Variants in RALGAPA1 observed in about 807,000 individuals in gnomAD.
RALGAPA1 encodes the protein Ral GTPase activating protein catalytic subunit alpha 1.
A neutral mutation model predicts 269.6 loss-of-function variants in RALGAPA1; 52 were observed. The ratio of observed to expected loss-of-function variants is 0.19; its 90% CI spans 0.15 to 0.24. The LOEUF (loss-of-function observed/expected upper bound fraction) is 0.24, where lower values mean the gene tolerates loss of function less well. RALGAPA1 is among the 10% of genes least tolerant of loss of function. The probability of loss-of-function intolerance (pLI) is 1.00; values close to 1 mark genes in which losing one functional copy is unlikely to be tolerated. For synonymous variants in RALGAPA1, 817 were observed against 1,008.3 expected, an observed-to-expected ratio of 0.81 and a Z score of 3.60; for missense variants, 1,917 against 3,013.9, an observed-to-expected ratio of 0.64 and a Z score of 8.52.
chr14:35,670,247 T>C (rs906099289), intron 26 of RALGAPA1, among the ~76,000 whole-genome samples: 1 of 152,212 alleles, frequency 6.6e-6, no homozygotes, highest in African/African-American at 2.4e-5. Context: ...TATTCACTAT[T>C]GATCTTTCAC....
intron 16 of RALGAPA1, among the ~76,000 whole-genome samples, chr14:35,718,211 G>C (rs1410021140): frequency 2.6e-5 from 4 of 152,106 alleles, no homozygotes; most frequent in Non-Finnish European, 4.4e-5. Flanking sequence ...CCCAACACTA[G>C]AATTGTCAGC....
intron 1 of RALGAPA1, among the ~76,000 whole-genome samples, chr14:35,781,736 T>C (rs930418353): frequency 3.3e-5 from 5 of 152,148 alleles, no homozygotes; most frequent in African/African-American, 1.2e-4. Flanking sequence ...ACTCACATGA[T>C]AGTTTCAATA....
At chr14:35,773,922 T>C (rs960025114) in intron 3 of RALGAPA1, among the ~76,000 whole-genome samples, 1 of 151,904 alleles carries the variant, frequency 6.6e-6, no homozygotes, top group Non-Finnish European at 1.5e-5. Flanking sequence ...ATTATTATTA[T>C]TATTATTATT....
At chr14:35,699,250 T>A (rs183945378) in intron 17 of RALGAPA1, among the ~76,000 whole-genome samples, 113 of 152,148 alleles carry the variant, frequency 7.4e-4, no homozygotes, top group Admixed American at 2.7e-3. Context: ...GCCAAAAAAA[T>A]TTTTTTTAAA....
intron 4 of RALGAPA1, among the ~76,000 whole-genome samples, chr14:35,769,752 A>G (rs144597310): frequency 6.2e-4 from 95 of 152,338 alleles, no homozygotes; most frequent in Middle Eastern, 3.4e-3. Context: ...CAAATTATCA[A>G]ACTGACTCAG....
intron 23 of RALGAPA1, 33 bp downstream of exon 23, chr14:35,674,483 C>A: frequency 6.5e-7 from 1 of 1,541,272 alleles, no homozygotes; most frequent in Non-Finnish European, 8.8e-7. Context: ...TTTTTATTTT[C>A]TTCTCCACTT....
At chr14:35,678,808 G>T (rs1260349965) in intron 21 of RALGAPA1, among the ~76,000 whole-genome samples, 1 of 151,770 alleles carries the variant, frequency 6.6e-6, no homozygotes, top group East Asian at 1.9e-4. Flanking sequence ...TTTTTCCTTT[G>T]CATGGAGCCC....
chr14:35,575,444 C>T (rs1247123733), intron 37 of RALGAPA1, among the ~76,000 whole-genome samples: 1 of 152,154 alleles, frequency 6.6e-6, no homozygotes, highest in East Asian at 1.9e-4. Flanking sequence ...CTCAAATACA[C>T]TAGAATGTTA....
chr14:35,676,614 T>C (rs2140298649), intron 22 of RALGAPA1: 1 of 152,360 alleles, frequency 6.6e-6, no homozygotes, highest in East Asian at 1.9e-4. Flanking sequence ...AACAGCAATG[T>C]ATCTATGTTA....
In RALGAPA1 at chr14:35,656,024, T is replaced by C. The variant is rs944905307; in HGVS notation, c.5388-109A>G. The C allele has an allele frequency of 2.6e-6, 4 of 1,557,114 alleles. No individual in the cohort carries two copies. The African/African-American group carries it at 5.5e-5, about 22-fold the overall frequency. ...ACATGCACTATTTTAAATGAATTAA[T>C]GAATTTGTTACTCTATACATTAACT... On this transcript the variant is annotated intron_variant, in intron 28 of 41. Coordinates refer to ENST00000680220, the MANE Select transcript of RALGAPA1 (RefSeq NM_001346249.2).
At chr14:35,693,080 A>C (rs2066626060) in intron 17 of RALGAPA1, among the ~76,000 whole-genome samples, 1 of 151,990 alleles carries the variant, frequency 6.6e-6, no homozygotes. Flanking sequence ...GGCAGAAATT[A>C]ATCTTTACTC....
intron 1 of RALGAPA1, among the ~76,000 whole-genome samples, chr14:35,777,826 G>A (rs1157425710): frequency 6.6e-6 from 1 of 152,112 alleles, no homozygotes; most frequent in African/African-American, 2.4e-5. Flanking sequence ...TGGGATTACA[G>A]GTGTGAGCCA....
At chr14:35,568,176 T>C (rs1169933499) in intron 39 of RALGAPA1, among the ~76,000 whole-genome samples, 1 of 152,120 alleles carries the variant, frequency 6.6e-6, no homozygotes, top group Non-Finnish European at 1.5e-5. Context: ...AGGTTGAGTA[T>C]CCCTAAGCTG....
chr14:35,748,875 A>C (rs2072406229), intron 9 of RALGAPA1, 51 bp from the exon 10 acceptor site: 1 of 1,516,864 alleles, frequency 6.6e-7, no homozygotes, highest in East Asian at 2.3e-5. Flanking sequence ...ATAATCATTT[A>C]ACTATGTATT....
At chr14:35,795,814 CAA>C (rs35882089) in intron 1 of RALGAPA1, among the ~76,000 whole-genome samples, 22,012 of 122,110 alleles carry the variant, frequency 0.18, 1,871 homozygotes, top group African/African-American at 0.23. Flanking sequence ...ATTTCTCTAC[CAA>C]AAAAAAAAAA....
At chr14:35,696,191 A>G (rs2066882027) in intron 17 of RALGAPA1, among the ~76,000 whole-genome samples, 2 of 152,024 alleles carry the variant, frequency 1.3e-5, no homozygotes. Context: ...CCAGGAGTTT[A>G]AGACCAGCCT....
At chr14:35,790,686 A>G (rs1053471891) in intron 1 of RALGAPA1, among the ~76,000 whole-genome samples, 269 of 111,614 alleles carry the variant, frequency 2.4e-3, no homozygotes, top group African/African-American at 0.012. Context: ...AGACTGTCTA[A>G]AAAAAAAAAA....
intron 1 of RALGAPA1, 29 bp downstream of exon 1, chr14:35,808,701 C>A: frequency 6.3e-7 from 1 of 1,595,012 alleles, no homozygotes. Flanking sequence ...GCAACCCAGG[C>A]CTCGGCGCTG....
intron 39 of RALGAPA1, among the ~76,000 whole-genome samples, chr14:35,552,205 AT>A (rs956324593): frequency 1.8e-4 from 28 of 151,940 alleles, no homozygotes; most frequent in African/African-American, 6.5e-4. Flanking sequence ...GAAAACATGT[AT>A]TAAGGAAATA....
Sources: gnomAD v4.1 joint callset for allele counts (sites outside exome capture counted in the v4.1 genomes callset) on GRCh38, gnomAD v4.1.1 for gene constraint, MANE v1.5 for transcripts, NCBI Gene and HGNC (gene_info 2026-07-23, HGNC 2026-07-21) for gene names.